The following ERN1 variants were observed in gnomAD, a reference collection of about 807,000 sequenced individuals.
ERN1 encodes the protein serine/threonine-protein kinase/endoribonuclease IRE1.
ERN1 carries 39 observed loss-of-function variants against 113.1 expected under a neutral mutation model. The ratio of observed to expected loss-of-function variants is 0.34; its 90% confidence interval spans 0.27 to 0.45. The LOEUF (loss-of-function observed/expected upper bound fraction) is 0.45, where lower values mean the gene tolerates loss of function less well. Among genes scored for constraint, ERN1 ranks in the 20% least tolerant of loss-of-function variants. The pLI is 1.00. For synonymous variants in ERN1, 507 were observed against 515.9 expected (o/e 0.98, Z 0.23); for missense variants, 976 against 1,274.8 (o/e 0.77, Z 3.57).
chr17:64,096,020 C>T (rs1380190246), intron 2 of ERN1, among the ~76,000 whole-genome samples: 2 of 152,200 alleles, frequency 1.3e-5, no homozygotes, highest in Admixed American at 1.3e-4. Context: ...CTCATATTTT[C>T]ACCATGGGTT....
At position 64,049,039 on chromosome 17, in the gene ERN1, C is replaced by A; in HGVS notation, c.2401+16G>T. 5 of 1,570,958 alleles carry A rather than the reference C, an allele frequency of 3.2e-6. No homozygotes were observed. The highest frequency in any genetic ancestry group is 4.3e-6 in the Non-Finnish European group (5 of 1,150,564). ...GCTGAGGAGCTGCTCCCAACCCCAA[C>A]CCCTGGACCGCTCACCGTGCTTCTC... On this transcript the variant is annotated intron_variant, in intron 18 of 21. Transcript: ENST00000433197. This position sits in a 1 kb window ranked among gnomAD's most constrained non-coding sequence, Gnocchi z 4.7.
chr17:64,067,621 C>A (rs933684584), intron 7 of ERN1, among the ~76,000 whole-genome samples: 118 of 149,920 alleles, frequency 7.9e-4, no homozygotes, highest in Admixed American at 2.0e-3. Context: ...AAAAAAACAA[C>A]AAAAAAACAC....
rs550803040 is a variant in ERN1 at position 64,108,853 on chromosome 17, T to C, written c.55-10612A>G. Among the ~76,000 whole-genome samples, 5 of 152,266 alleles carry C rather than the reference T, an allele frequency of 3.3e-5. No individual in the cohort carries two copies. In the East Asian group the frequency reaches 9.6e-4, roughly 29 times the overall value. ...ATTAAGAAGTCCTGGCCGGGTGCAG[T>C]AGCTCATGCCTGTAATCCCAGCACT... On this transcript the variant is annotated intron_variant, in intron 1 of 21. Coordinates refer to ENST00000433197, the MANE Select transcript of ERN1 (RefSeq NM_001433.5).
At position 64,041,518 on chromosome 17, in the gene ERN1, A is replaced by C. The variant is rs9894399; in HGVS notation, c.*2470T>G. The C allele has an allele frequency of 0.11, 16,784 of 152,196 alleles. 1,122 individuals carry two copies. Among genetic ancestry groups the C allele is most frequent in the African/African-American group, 0.18 (7,349 of 41,482 alleles). The allele number at this position is 152,196 out of a possible 1,614,324, so 9.4% of individuals were successfully genotyped here. ...AACTGGATACACCAGATGATGCCCA[A>C]GGTGTTTTCATGACAAGTACCCACA... On this transcript the variant is annotated 3_prime_UTR_variant, in exon 22 of 22. Transcript: ENST00000433197.
At chr17:64,095,570 C>T (rs1187748774) in intron 2 of ERN1, among the ~76,000 whole-genome samples, 1 of 152,178 alleles carries the variant, frequency 6.6e-6, no homozygotes. Flanking sequence ...TCACCCTTCC[C>T]ATCCCTCCTC....
intron 1 of ERN1, among the ~76,000 whole-genome samples, chr17:64,116,080 T>A (rs1475572667): frequency 1.3e-5 from 2 of 152,178 alleles, no homozygotes; most frequent in Admixed American, 1.3e-4. Flanking sequence ...TTAGTAATAA[T>A]CTGACTCACT....
rs373761316 is a variant in ERN1, at chr17:64,044,221, C to T, written c.2722-21G>A. ...TGCTTCTGCAAAGAGTTAGAAAGCT[C>T]GGGAGATTAGAAAGGGGTTAGAAAG... On this transcript the variant is annotated intron_variant, in intron 21 of 21. Transcript: ENST00000433197. This position sits in a 1 kb window ranked among gnomAD's most constrained non-coding sequence, Gnocchi z 4.1. The T allele has an allele frequency of 3.4e-6, 5 of 1,473,998 alleles. No homozygotes were observed. Among genetic ancestry groups the T allele is most frequent in the Admixed American group, 2.3e-5 (1 of 43,468 alleles). 91.3% of individuals were successfully genotyped at this position (1,473,998 alleles called of 1,614,324 possible).
At chr17:64,086,990 C>T (rs1231707352) in intron 2 of ERN1, among the ~76,000 whole-genome samples, 6 of 152,096 alleles carry the variant, frequency 3.9e-5, no homozygotes, top group Admixed American at 1.3e-4. Context: ...TTGTTTACCT[C>T]TGACAAAAAA....
intron 1 of ERN1, among the ~76,000 whole-genome samples, chr17:64,113,676 C>T (rs1335038683): frequency 6.6e-6 from 1 of 151,022 alleles, no homozygotes; most frequent in Admixed American, 6.6e-5. Flanking sequence ...TGCCGCCAGG[C>T]AATTTTTTTG....
intron 4 of ERN1, among the ~76,000 whole-genome samples, chr17:64,077,411 C>T (rs1190691092): frequency 6.6e-6 from 1 of 151,230 alleles, no homozygotes; most frequent in Non-Finnish European, 1.5e-5. Context: ...CAGAAGCCCC[C>T]CTCCTCTCTT....
chr17:64,081,698 A>T (rs1851534521), intron 2 of ERN1, among the ~76,000 whole-genome samples: 1 of 152,242 alleles, frequency 6.6e-6, no homozygotes, highest in Admixed American at 6.5e-5. Flanking sequence ...ATATCTTAAA[A>T]TTTCTGCAAG....
At chr17:64,108,948 C>A (rs920381649) in intron 1 of ERN1, among the ~76,000 whole-genome samples, 1 of 152,122 alleles carries the variant, frequency 6.6e-6, no homozygotes, top group African/African-American at 2.4e-5. Context: ...CATGGGGAAA[C>A]CCCGTCTCTA....
chr17:64,073,068 T>G (rs1022587245), intron 5 of ERN1, among the ~76,000 whole-genome samples: 1 of 150,102 alleles, frequency 6.7e-6, no homozygotes, highest in Non-Finnish European at 1.5e-5. Context: ...TACAGAGGTG[T>G]GGTCACGGCT....
At chr17:64,096,397 T>C (rs1323789577) in intron 2 of ERN1, among the ~76,000 whole-genome samples, 2 of 152,268 alleles carry the variant, frequency 1.3e-5, no homozygotes, top group Non-Finnish European at 2.9e-5. Context: ...CACGCCCAGA[T>C]GGGACTGTCT....
chr17:64,073,335 A>C, intron 5 of ERN1, among the ~76,000 whole-genome samples: 1 of 135,094 alleles, frequency 7.4e-6, no homozygotes, highest in South Asian at 2.3e-4. Context: ...CACCCAGCAA[A>C]TTTTTTTTTT....
chr17:64,053,099 T>C (rs1207345939), intron 16 of ERN1, 120 bp from the exon 17 acceptor site: 1 of 950,746 alleles, frequency 1.1e-6, no homozygotes, highest in Non-Finnish European at 1.6e-6. Flanking sequence ...AATGTTCTGA[T>C]TTTCAACTAT....
Position 64,063,090 on chromosome 17 carries a change from T to C in ERN1, c.1087+896A>G, listed in dbSNP as rs913515576. On this transcript the variant is annotated intron_variant, in intron 10 of 21. Coordinates refer to ENST00000433197, the MANE Select transcript of ERN1 (RefSeq NM_001433.5). The surrounding 1 kb of genome is among the most constrained non-coding windows in gnomAD (Gnocchi z 5.1). ...CCCCAGCCCTGACCTCTTTCTCCCCTAGTACCTGTCACCAGCAAGCACGAC... is the reference window on the plus strand; with the variant it reads ...CCCCAGCCCTGACCTCTTTCTCCCCCAGTACCTGTCACCAGCAAGCACGAC... 1.3e-5 allele frequency among the ~76,000 whole-genome samples: 2 copies of C among 152,144 alleles called. No homozygotes were observed. Among genetic ancestry groups the C allele is most frequent in the African/African-American group, 4.8e-5 (2 of 41,418 alleles).
Position 64,045,376 on chromosome 17 carries a change from G to A in ERN1, c.2636C>T (p.Thr879Ile), listed in dbSNP as rs1170020855. The A allele has an allele frequency of 6.2e-7, 1 of 1,613,850 alleles. No individual in the cohort carries two copies. The highest frequency in any genetic ancestry group is 8.5e-7 in the Non-Finnish European group (1 of 1,179,862). Residue 879 changes from threonine to isoleucine, a missense_variant, in exon 20 of 22, where the codon ACT becomes ATT. By Grantham distance (89) the Thr-to-Ile change is moderately conservative (BLOSUM62 -1). Coordinates refer to ENST00000433197, the MANE Select transcript of ERN1 (RefSeq NM_001433.5). Reference sequence around the variant, plus strand: ...ATGATCACCTGTCTGGAGGGGGACAGTGATGTTCTCCCGCCAGTCCATCTT... The same window carrying A: ...ATGATCACCTGTCTGGAGGGGGACAATGATGTTCTCCCGCCAGTCCATCTT... ...VVKMDWRENI[T>I]VPLQTDLRKF...
rs543882242 is a variant in ERN1 at position 64,055,210 on chromosome 17, C to T, written c.1673-382G>A. Among the ~76,000 whole-genome samples the T allele has an allele frequency of 1.7e-3, 266 of 152,328 alleles. 1 individual carries two copies. Among genetic ancestry groups the T allele is most frequent in the Non-Finnish European group, 2.6e-3 (176 of 68,034 alleles). Reference sequence around the variant, plus strand: ...GATCCGCACTGAAGCATTCAGGTGGCGGCAATGGACATGTAAAACGAGGAG... The same window carrying T: ...GATCCGCACTGAAGCATTCAGGTGGTGGCAATGGACATGTAAAACGAGGAG... On this transcript the variant is annotated intron_variant, in intron 13 of 21. Transcript: ENST00000433197.
Sources: allele counts gnomAD v4.1 joint callset (sites outside exome capture counted in the v4.1 genomes callset), GRCh38; gene constraint gnomAD v4.1.1; non-coding constraint Gnocchi (gnomAD v3.1); transcripts MANE v1.5; gene names NCBI Gene and HGNC (gene_info 2026-07-23, HGNC 2026-07-21).